The following CCSER1 variants were observed in gnomAD, a reference collection of about 807,000 sequenced individuals.
The protein encoded by CCSER1 is coiled-coil serine rich protein 1.
CCSER1 carries 41 observed loss-of-function variants against 82.0 expected under a neutral mutation model. That is an observed-to-expected ratio of 0.50 (90% CI 0.39 to 0.65). The LOEUF (loss-of-function observed/expected upper bound fraction) is 0.65. CCSER1 is among the 30% of genes least tolerant of loss of function. CCSER1 has a pLI of 0.00. For missense variants in CCSER1, 1,119 were observed against 1,064.2 expected (o/e 1.05, Z -0.72); for synonymous variants, 414 against 383.9 (o/e 1.08, Z -0.92).
intron 9 of CCSER1, among the ~76,000 whole-genome samples, chr4:90,937,389 A>C (rs1465391590): frequency 6.6e-6 from 1 of 152,080 alleles, no homozygotes; most frequent in Non-Finnish European, 1.5e-5. Flanking sequence ...CATGTTACAC[A>C]TTCTAATCTA....
intron 5 of CCSER1, among the ~76,000 whole-genome samples, chr4:90,598,006 G>A (rs544156054): frequency 6.6e-6 from 1 of 151,626 alleles, no homozygotes; most frequent in African/African-American, 2.4e-5. Flanking sequence ...ATATTTTGTT[G>A]TATATATATC....
intron 10 of CCSER1, among the ~76,000 whole-genome samples, chr4:91,139,151 G>A (rs964147662): frequency 6.6e-6 from 1 of 152,094 alleles, no homozygotes; most frequent in African/African-American, 2.4e-5. Flanking sequence ...TTCTGCTCTT[G>A]GGTTAATTCA....
intron 3 of CCSER1, among the ~76,000 whole-genome samples, chr4:90,342,715 A>C (rs1741618270): frequency 1.3e-5 from 2 of 152,122 alleles, no homozygotes; most frequent in South Asian, 4.1e-4. Flanking sequence ...TTACTTTCTC[A>C]CCATGAAGTT....
intron 5 of CCSER1, among the ~76,000 whole-genome samples, chr4:90,540,493 A>G (rs1169375474): frequency 6.6e-6 from 1 of 152,094 alleles, no homozygotes; most frequent in Admixed American, 6.6e-5. Context: ...GTTCAATAGC[A>G]TTATATATTT....
chr4:90,312,906 A>G lies in CCSER1; in HGVS notation c.1368A>G (p.Ile456Met), dbSNP rs1735557684. The change falls in exon 3 of 11, where the codon ATA becomes ATG. Residue 456 changes from isoleucine to methionine, a missense_variant. Ile to Met is a conservative substitution (Grantham distance 10). Coordinates refer to ENST00000509176, the MANE Select transcript of CCSER1 (RefSeq NM_001145065.2). ...GTCCATTTCGTGAAGGAAGATTTAT[A>G]GAGAGGAGACTGCGATCCTCGTCAG... is the stretch of plus-strand genomic sequence containing the variant. ...SLSPFREGRFIERRLRSSSEG... is the reference protein window; with the variant it reads ...SLSPFREGRFMERRLRSSSEG... The G allele has an allele frequency of 1.3e-6, 2 of 1,582,572 alleles. No individual in the cohort carries two copies. Among genetic ancestry groups the G allele is most frequent in the South Asian group, 1.2e-5 (1 of 86,682 alleles).
At chr4:90,401,787 C>T (rs1752910505) in intron 4 of CCSER1, among the ~76,000 whole-genome samples, 1 of 152,126 alleles carries the variant, frequency 6.6e-6, no homozygotes, top group Admixed American at 6.5e-5. Flanking sequence ...CCTCCGTCTC[C>T]CAAAGTGCAG....
chr4:91,129,370 C>T (rs1328670237), intron 10 of CCSER1, among the ~76,000 whole-genome samples: 1 of 151,932 alleles, frequency 6.6e-6, no homozygotes, highest in Admixed American at 6.6e-5. Flanking sequence ...GATACCTGAA[C>T]AAAATCAGGG....
intron 10 of CCSER1, among the ~76,000 whole-genome samples, chr4:91,126,211 A>G (rs1017316197): frequency 1.3e-5 from 2 of 151,868 alleles, no homozygotes; most frequent in African/African-American, 4.8e-5. Flanking sequence ...ACAACTAAAG[A>G]TGCCTCTGTT....
chr4:90,309,244 T>A lies in CCSER1; in HGVS notation c.960T>A (p.Ser320=). ...GAACTGTTCCCTGTGCAATTATGTC[T>A]CCTGGGAAATATAGGTTAGAGGGTC... ...LTGTVPCAIM[S]PGKYRLEGQC... Residue 320 remains serine, a synonymous_variant, in exon 2 of 11, where the codon TCT becomes TCA. Transcript: ENST00000509176. 1.9e-6 allele frequency: 3 copies of A among 1,613,918 alleles called. No homozygotes were observed. The highest frequency in any genetic ancestry group is 2.5e-6 in the Non-Finnish European group (3 of 1,179,828).
At chr4:90,527,476 TC>T (rs141461885) in intron 5 of CCSER1, among the ~76,000 whole-genome samples, 7,716 of 152,182 alleles carry the variant, frequency 0.051, 242 homozygotes, top group African/African-American at 0.056. Context: ...AAAAATATCA[TC>T]CCAGTGCACC....
chr4:90,782,419 A>G (rs1189191415), intron 7 of CCSER1, among the ~76,000 whole-genome samples: 1 of 152,162 alleles, frequency 6.6e-6, no homozygotes, highest in Non-Finnish European at 1.5e-5. Flanking sequence ...TATGACTTCT[A>G]TCCTCAGATC....
chr4:90,834,059 A>C (rs1761479914), intron 8 of CCSER1, among the ~76,000 whole-genome samples: 1 of 152,184 alleles, frequency 6.6e-6, no homozygotes, highest in African/African-American at 2.4e-5. Flanking sequence ...TGAATTACCC[A>C]GTCTGCAGTA....
rs916591407 is a variant in CCSER1, at chr4:91,591,597, C to T, written c.2218-6975C>T. Among the ~76,000 whole-genome samples, 3 of 152,074 alleles carry T rather than the reference C, an allele frequency of 2.0e-5. No homozygotes were observed. In the South Asian group the frequency reaches 6.2e-4, roughly 31 times the overall value. Reference sequence around the variant, plus strand: ...TCTAAGGAATATCTTGCTACTACTACTAAATTACCAAAATTTTTTATTTTT... The same window carrying T: ...TCTAAGGAATATCTTGCTACTACTATTAAATTACCAAAATTTTTTATTTTT... On this transcript the variant is annotated intron_variant, in intron 10 of 10. Transcript: ENST00000509176.
intron 3 of CCSER1, among the ~76,000 whole-genome samples, chr4:90,396,629 C>G (rs1325438928): frequency 6.6e-6 from 1 of 151,850 alleles, no homozygotes; most frequent in Non-Finnish European, 1.5e-5. Flanking sequence ...TTTAGTCATA[C>G]TGATTACTTT....
intron 8 of CCSER1, among the ~76,000 whole-genome samples, chr4:90,908,239 C>G (rs989264336): frequency 2.0e-5 from 3 of 152,106 alleles, no homozygotes; most frequent in African/African-American, 7.2e-5. Flanking sequence ...AAAAGAATAT[C>G]TGTAAGGCAG....
chr4:90,729,660 G>A (rs1264194121), intron 7 of CCSER1, among the ~76,000 whole-genome samples: 1 of 152,152 alleles, frequency 6.6e-6, no homozygotes, highest in Non-Finnish European at 1.5e-5. Flanking sequence ...TGGATCACAA[G>A]GTCAGGGGAT....
At chr4:91,338,548 A>G (rs1327036560) in intron 10 of CCSER1, among the ~76,000 whole-genome samples, 2 of 152,228 alleles carry the variant, frequency 1.3e-5, no homozygotes, top group Admixed American at 6.5e-5. Context: ...TGCAAACATT[A>G]TAATGCATAG....
intron 5 of CCSER1, among the ~76,000 whole-genome samples, chr4:90,553,051 A>G (rs565561661): frequency 4.6e-5 from 7 of 151,484 alleles, no homozygotes; most frequent in African/African-American, 9.7e-5. Context: ...GCTCACTGCA[A>G]CCTCCACCTC....
intron 5 of CCSER1, among the ~76,000 whole-genome samples, chr4:90,529,008 T>G (rs1319920666): frequency 6.6e-6 from 1 of 151,436 alleles, no homozygotes; most frequent in East Asian, 1.9e-4. Context: ...GATGTCTGCT[T>G]TTTTTTTTCT....
Sources: gnomAD v4.1 joint callset for allele counts (sites outside exome capture counted in the v4.1 genomes callset) on GRCh38, gnomAD v4.1.1 for gene constraint, MANE v1.5 for transcripts, NCBI Gene and HGNC (gene_info 2026-07-23, HGNC 2026-07-21) for gene names.